Variants in RARB observed in about 807,000 individuals in gnomAD.
RARB encodes retinoic acid receptor beta.
RARB carries 17 observed loss-of-function variants against 51.9 expected under a neutral mutation model. The ratio of observed to expected loss-of-function variants is 0.33; its 90% confidence interval spans 0.22 to 0.49. RARB has a LOEUF of 0.49. RARB is among the 20% of genes least tolerant of loss of function. The pLI is 0.99. For synonymous variants in RARB, 215 were observed against 195.4 expected, an observed-to-expected ratio of 1.10 and a Z score of -0.84; for missense variants, 369 against 550.8, an observed-to-expected ratio of 0.67 and a Z score of 3.30.
intron 5 of RARB, among the ~76,000 whole-genome samples, chr3:25,586,727 T>C (rs1425243988): frequency 6.6e-6 from 1 of 152,202 alleles, no homozygotes; most frequent in Non-Finnish European, 1.5e-5. Flanking sequence ...TGCAGCTGTA[T>C]AGCCATGGAG....
chr3:24,974,499 A>C (rs541301499), intron 2 of RARB, among the ~76,000 whole-genome samples: 28 of 152,218 alleles, frequency 1.8e-4, no homozygotes, highest in African/African-American at 6.5e-4. Flanking sequence ...TGGATGTTAA[A>C]ATACATGATC....
At chr3:25,367,659 A>C (rs558662067) in intron 5 of RARB, among the ~76,000 whole-genome samples, 1 of 151,698 alleles carries the variant, frequency 6.6e-6, no homozygotes, top group South Asian at 2.1e-4. Context: ...CTATAAAAAA[A>C]AAAAAAAAAT....
At chr3:25,336,254 A>C (rs1023059176) in intron 5 of RARB, among the ~76,000 whole-genome samples, 1 of 152,206 alleles carries the variant, frequency 6.6e-6, no homozygotes, top group South Asian at 2.1e-4. Context: ...TTTCTTTCTT[A>C]CACCTTTTCT....
chr3:25,584,476 T>G (rs1436447747), intron 5 of RARB, among the ~76,000 whole-genome samples: 1 of 152,108 alleles, frequency 6.6e-6, no homozygotes, highest in African/African-American at 2.4e-5. Context: ...AATTTCCCAG[T>G]GTTTCCCAGA....
chr3:25,324,648 G>A, intron 5 of RARB: 1 of 173,006 alleles, frequency 5.8e-6, no homozygotes, highest in Non-Finnish European at 1.3e-5. Flanking sequence ...CTCCCTGGAG[G>A]GAAACCCTTT....
chr3:25,017,562 G>A (rs1697540710), intron 2 of RARB, among the ~76,000 whole-genome samples: 1 of 152,090 alleles, frequency 6.6e-6, no homozygotes, highest in African/African-American at 2.4e-5. Context: ...AACTTCAGCT[G>A]TTTGATTGAT....
chr3:24,887,437 A>G (rs933185829), intron 2 of RARB, among the ~76,000 whole-genome samples: 7 of 152,222 alleles, frequency 4.6e-5, no homozygotes, highest in African/African-American at 1.4e-4. Flanking sequence ...CTCTGTCTCA[A>G]TGCTCCTTGA....
chr3:25,309,952 C>A (rs1187303672), intron 5 of RARB, among the ~76,000 whole-genome samples: 1 of 152,096 alleles, frequency 6.6e-6, no homozygotes, highest in Non-Finnish European at 1.5e-5. Context: ...AGCAAAGATT[C>A]TTCTTGAAAG....
chr3:25,296,299 A>C (rs929387648), intron 5 of RARB, among the ~76,000 whole-genome samples: 1 of 152,164 alleles, frequency 6.6e-6, no homozygotes, highest in African/African-American at 2.4e-5. Context: ...TTTTCCCCCA[A>C]AGAAGCTGGT....
At chr3:25,349,315 AC>A (rs750915848) in intron 5 of RARB, among the ~76,000 whole-genome samples, 23 of 152,164 alleles carry the variant, frequency 1.5e-4, no homozygotes, top group Admixed American at 6.5e-4. Context: ...TTTGAACAAG[AC>A]TTTGTTGCCA....
At chr3:25,546,671 G>A (rs543643561) in intron 3 of RARB, among the ~76,000 whole-genome samples, 38 of 152,058 alleles carry the variant, frequency 2.5e-4, no homozygotes, top group Non-Finnish European at 5.0e-4. Flanking sequence ...AGCAACATAG[G>A]GTCACTGCAG....
At chr3:25,026,207 G>C (rs568507158) in intron 2 of RARB, among the ~76,000 whole-genome samples, 1 of 152,298 alleles carries the variant, frequency 6.6e-6, no homozygotes, top group Admixed American at 6.5e-5. Context: ...CCAGGGCTTC[G>C]AGTTGACCCA....
At chr3:25,047,104 C>G (rs765847125) in intron 2 of RARB, among the ~76,000 whole-genome samples, 1 of 152,104 alleles carries the variant, frequency 6.6e-6, no homozygotes, top group Non-Finnish European at 1.5e-5. Flanking sequence ...AAATTCTCTT[C>G]CATTTGCAAA....
chr3:25,422,492 A>G lies in RARB; in HGVS notation c.179-38701A>G, dbSNP rs183414951. On this transcript the variant is annotated intron_variant, in intron 5 of 11. Transcript: ENST00000383772. ...CATCTCTCAAATGTTGCCATCATAT[A>G]TGGGACTGAGGTGGGGTGTTCGTGG... Among the ~76,000 whole-genome samples, 258 of 152,288 alleles carry G rather than the reference A, an allele frequency of 1.7e-3. 1 individual carries two copies. Among genetic ancestry groups the G allele is most frequent in the African/African-American group, 5.6e-3 (231 of 41,558 alleles).
intron 5 of RARB, among the ~76,000 whole-genome samples, chr3:25,202,859 G>C (rs1701431837): frequency 6.6e-6 from 1 of 152,160 alleles, no homozygotes; most frequent in African/African-American, 2.4e-5. Context: ...TTCCAACTAT[G>C]TGGTCAATTT....
intron 3 of RARB, among the ~76,000 whole-genome samples, chr3:25,112,001 T>C (rs969163353): frequency 5.9e-5 from 9 of 152,202 alleles, no homozygotes; most frequent in African/African-American, 2.2e-4. Context: ...TGTTAGATTA[T>C]AAACTGCTAG....
chr3:24,839,100 T>C (rs1412302894), intron 1 of RARB, among the ~76,000 whole-genome samples: 1 of 152,006 alleles, frequency 6.6e-6, no homozygotes, highest in Non-Finnish European at 1.5e-5. Flanking sequence ...TGATAGAAAA[T>C]ACTCAATTTA....
chr3:24,922,589 C>A (rs1695241470), intron 2 of RARB, among the ~76,000 whole-genome samples: 1 of 152,126 alleles, frequency 6.6e-6, no homozygotes, highest in Non-Finnish European at 1.5e-5. Flanking sequence ...GATATACAGA[C>A]AAGGAATGTG....
chr3:25,368,333 T>G (rs1319610247), intron 5 of RARB, among the ~76,000 whole-genome samples: 3 of 152,172 alleles, frequency 2.0e-5, no homozygotes. Context: ...GGAAGAATTC[T>G]TTAAATAGTA....
Sources: allele counts gnomAD v4.1 joint callset (sites outside exome capture counted in the v4.1 genomes callset), GRCh38; gene constraint gnomAD v4.1.1; transcripts MANE v1.5; gene names NCBI Gene and HGNC (gene_info 2026-07-23, HGNC 2026-07-21).